Variants in FSTL5 observed in about 807,000 individuals in gnomAD.
FSTL5 encodes follistatin like 5.
A neutral mutation model predicts 89.1 loss-of-function variants in FSTL5; 62 were observed. The observed-to-expected ratio is 0.70, with a 90% CI of 0.57 to 0.86. The LOEUF (loss-of-function observed/expected upper bound fraction) is 0.86. FSTL5 is among the 40% of genes least tolerant of loss of function. FSTL5 has a pLI of 0.00. For missense variants in FSTL5, 1,057 were observed against 1,001.6 expected (o/e 1.06, Z -0.75); for synonymous variants, 383 against 346.2 (o/e 1.11, Z -1.18).
At chr4:161,961,318 C>A (rs1008383369) in intron 3 of FSTL5, among the ~76,000 whole-genome samples, 1 of 151,838 alleles carries the variant, frequency 6.6e-6, no homozygotes, top group Admixed American at 6.6e-5. Context: ...CCCTAAGTTG[C>A]CCAGGCTGGT....
In FSTL5 at chr4:162,139,202, C is replaced by T. The variant is rs79033953; in HGVS notation, c.-17+24413G>A. On this transcript the variant is annotated intron_variant, in intron 1 of 15. Coordinates refer to ENST00000306100, the MANE Select transcript of FSTL5 (RefSeq NM_020116.5). ...ATCAGAAAAAGAATGAACATTGTAC[C>T]CAGGTGATAATTTTTAATGCTCCCC... 4.0e-3 allele frequency among the ~76,000 whole-genome samples: 607 copies of T among 151,870 alleles called. 4 individuals are homozygous for T. The highest frequency in any genetic ancestry group is 6.8e-3 in the Non-Finnish European group (464 of 67,894).
At chr4:161,624,430 T>C (rs1224958756) in intron 7 of FSTL5, among the ~76,000 whole-genome samples, 1 of 151,964 alleles carries the variant, frequency 6.6e-6, no homozygotes, top group East Asian at 1.9e-4. Context: ...AGGGAATAAT[T>C]TGAGAACACA....
chr4:162,024,485 T>A (rs546312909), intron 3 of FSTL5, among the ~76,000 whole-genome samples: 1 of 152,176 alleles, frequency 6.6e-6, no homozygotes, highest in Non-Finnish European at 1.5e-5. Flanking sequence ...GAGCTTATCA[T>A]TACCTTTTCT....
intron 2 of FSTL5, among the ~76,000 whole-genome samples, chr4:162,046,333 T>C (rs1390748392): frequency 1.3e-5 from 2 of 152,100 alleles, no homozygotes; most frequent in African/African-American, 4.8e-5. Context: ...TGCTGAGTTA[T>C]GGGGTAAAGG....
At chr4:161,514,507 C>T (rs1730751350) in intron 10 of FSTL5, among the ~76,000 whole-genome samples, 1 of 152,072 alleles carries the variant, frequency 6.6e-6, no homozygotes. Flanking sequence ...ATATTGGGTA[C>T]AATGTTTACT....
intron 15 of FSTL5, among the ~76,000 whole-genome samples, chr4:161,444,779 T>C (rs1342792166): frequency 1.3e-5 from 2 of 151,894 alleles, no homozygotes; most frequent in African/African-American, 4.8e-5. Context: ...CATCAGTCGT[T>C]AGGTTTTACC....
At chr4:161,587,272 T>C (rs1446633788) in intron 8 of FSTL5, among the ~76,000 whole-genome samples, 183 bp downstream of exon 8, 2 of 151,870 alleles carry the variant, frequency 1.3e-5, no homozygotes, top group African/African-American at 4.8e-5. Context: ...TAATTTATAG[T>C]GCTTATTTAC....
chr4:161,700,604 TA>T (rs1738355497), intron 6 of FSTL5, among the ~76,000 whole-genome samples: 1 of 152,108 alleles, frequency 6.6e-6, no homozygotes, highest in Non-Finnish European at 1.5e-5. Context: ...CTCGAATTCC[TA>T]GGTTCAAGCA....
At chr4:162,151,679 GT>G (rs1733231573) in intron 1 of FSTL5, among the ~76,000 whole-genome samples, 1 of 152,118 alleles carries the variant, frequency 6.6e-6, no homozygotes, top group Non-Finnish European at 1.5e-5. Flanking sequence ...ACACAGCAGG[GT>G]TTCCATAGTG....
chr4:161,706,083 G>A (rs1187926667), intron 6 of FSTL5, among the ~76,000 whole-genome samples: 2 of 147,128 alleles, frequency 1.4e-5, no homozygotes, highest in African/African-American at 5.0e-5. Context: ...CTGACTTTAT[G>A]CCAGTAAGTT....
chr4:161,557,093 T>G (rs1253449234), intron 8 of FSTL5, among the ~76,000 whole-genome samples: 1 of 151,410 alleles, frequency 6.6e-6, no homozygotes, highest in African/African-American at 2.4e-5. Flanking sequence ...GGATAATTAA[T>G]TTTTGAAAAA....
intron 3 of FSTL5, among the ~76,000 whole-genome samples, chr4:161,941,763 C>T (rs1005828274): frequency 6.6e-6 from 1 of 151,898 alleles, no homozygotes; most frequent in East Asian, 1.9e-4. Flanking sequence ...AAATAAAGAA[C>T]TTTTCAAACA....
chr4:161,834,539 A>G (rs1411643733), intron 4 of FSTL5, among the ~76,000 whole-genome samples: 2 of 152,184 alleles, frequency 1.3e-5, no homozygotes, highest in African/African-American at 2.4e-5. Context: ...ACATGATTGT[A>G]TATCTAGAAA....
At chr4:161,657,049 G>A (rs1259331675) in intron 6 of FSTL5, among the ~76,000 whole-genome samples, 1 of 151,714 alleles carries the variant, frequency 6.6e-6, no homozygotes, top group African/African-American at 2.4e-5. Flanking sequence ...GATCGCACTG[G>A]TATTGAATAG....
At chr4:161,455,234 T>C (rs1733313499) in intron 14 of FSTL5, 106 bp from the exon 15 acceptor site, 2 of 832,348 alleles carry the variant, frequency 2.4e-6, no homozygotes, top group Non-Finnish European at 3.4e-6. Context: ...GTTGTTTGCA[T>C]AGACTTTATG....
In FSTL5 at chr4:161,626,972, GCAAA is replaced by G. The variant is rs146272095; in HGVS notation, c.894+29352_894+29355del. Among the ~76,000 whole-genome samples the G allele has an allele frequency of 8.0e-3, 1,223 of 152,236 alleles. 16 individuals are homozygous for G. Among genetic ancestry groups the G allele is most frequent in the African/African-American group, 0.028 (1,150 of 41,544 alleles). The stretch of plus-strand genomic sequence containing the variant: ...CAGATTACTTGCTTTTTATGGATGA[GCAAA>G]CAAAGAGGTTTCCTGAGATGCAACC... On this transcript the variant is annotated intron_variant, in intron 7 of 15. Coordinates refer to ENST00000306100, the MANE Select transcript of FSTL5 (RefSeq NM_020116.5).
At chr4:161,430,690 A>G (rs1732329824) in intron 15 of FSTL5, among the ~76,000 whole-genome samples, 1 of 152,236 alleles carries the variant, frequency 6.6e-6, no homozygotes. Flanking sequence ...CAGTGAGCCA[A>G]GATCCGGCTA....
chr4:161,687,921 G>T (rs1233613640), intron 6 of FSTL5, among the ~76,000 whole-genome samples: 1 of 152,204 alleles, frequency 6.6e-6, no homozygotes, highest in Non-Finnish European at 1.5e-5. Flanking sequence ...TCTATAAAAA[G>T]GCTTACGGAA....
chr4:161,409,179 T>C (rs72681770), intron 15 of FSTL5, among the ~76,000 whole-genome samples: 12,190 of 152,154 alleles, frequency 0.08, 619 homozygotes, highest in Non-Finnish European at 0.12. Context: ...CTAGGAGACC[T>C]ACAGAGAGAA....
Sources: allele counts gnomAD v4.1 joint callset (sites outside exome capture counted in the v4.1 genomes callset), GRCh38; gene constraint gnomAD v4.1.1; transcripts MANE v1.5; gene names NCBI Gene and HGNC (gene_info 2026-07-23, HGNC 2026-07-21).